IGF2BP3: variants seen among roughly 807,000 people sequenced by gnomAD.
IGF2BP3 encodes insulin like growth factor 2 mRNA binding protein 3, also known as insulin-like growth factor 2 mRNA-binding protein 3.
In IGF2BP3, 9 loss-of-function variants were observed where a neutral mutation model predicts 73.8. The observed-to-expected ratio is 0.12, with a 90% confidence interval of 0.07 to 0.21. The LOEUF (loss-of-function observed/expected upper bound fraction) is 0.21, where lower values mean the gene tolerates loss of function less well. IGF2BP3 is among the 10% of genes least tolerant of loss of function. The pLI is 1.00. For synonymous variants in IGF2BP3, 258 were observed against 256.7 expected, an observed-to-expected ratio of 1.01 and a Z score of -0.05; for missense variants, 542 against 714.0, an observed-to-expected ratio of 0.76 and a Z score of 2.75.
intron 3 of IGF2BP3, among the ~76,000 whole-genome samples, chr7:23,364,084 C>T (rs1785302524): frequency 6.6e-6 from 1 of 151,704 alleles, no homozygotes; most frequent in East Asian, 1.9e-4. Context: ...ATTAAAAATA[C>T]AAAAATATTC....
chr7:23,325,422 A>T (rs1015137292), intron 10 of IGF2BP3, among the ~76,000 whole-genome samples: 12 of 151,706 alleles, frequency 7.9e-5, no homozygotes, highest in Non-Finnish European at 1.3e-4. Flanking sequence ...GAAATAAAAG[A>T]GGATACAAAC....
intron 6 of IGF2BP3, 110 bp downstream of exon 6, chr7:23,351,195 G>C: frequency 1.8e-6 from 2 of 1,136,906 alleles, no homozygotes; most frequent in Non-Finnish European, 2.6e-6. Flanking sequence ...ACTGTACAAG[G>C]AGTCCTCATG....
intron 6 of IGF2BP3, among the ~76,000 whole-genome samples, chr7:23,350,275 G>A (rs774063086): frequency 9.9e-5 from 15 of 151,610 alleles, no homozygotes; most frequent in Non-Finnish European, 1.3e-4. Context: ...AGCTTATTTC[G>A]TTGGATCACA....
At chr7:23,424,290 G>C (rs1015396928) in intron 2 of IGF2BP3, among the ~76,000 whole-genome samples, 9 of 151,058 alleles carry the variant, frequency 6.0e-5, no homozygotes, top group Non-Finnish European at 1.3e-4. Context: ...ATTAGGTCAG[G>C]AGTTCAAGAC....
intron 2 of IGF2BP3, among the ~76,000 whole-genome samples, chr7:23,435,581 G>A (rs368291336): frequency 5.9e-5 from 9 of 151,434 alleles, no homozygotes; most frequent in East Asian, 4.0e-4. Context: ...TCAGCCTCCC[G>A]AGTAGCTGGG....
intron 2 of IGF2BP3, among the ~76,000 whole-genome samples, chr7:23,444,657 C>T (rs1171439411): frequency 1.6e-5 from 2 of 126,336 alleles, no homozygotes; most frequent in African/African-American, 2.9e-5. Context: ...GCACGAGAAT[C>T]GCTTGAACCT....
chr7:23,419,229 TA>T (rs1457890941), intron 2 of IGF2BP3, among the ~76,000 whole-genome samples: 1 of 152,136 alleles, frequency 6.6e-6, no homozygotes, highest in East Asian at 1.9e-4. Context: ...TTCAGGGAAA[TA>T]AAAATGAGGT....
chr7:23,460,094 G>A (rs935151668), intron 2 of IGF2BP3, among the ~76,000 whole-genome samples: 14 of 123,870 alleles, frequency 1.1e-4, no homozygotes, highest in Admixed American at 8.0e-5. Flanking sequence ...TTAGCCAGAC[G>A]AGGAGGCATG....
At position 23,310,978 on chromosome 7, in the gene IGF2BP3, CAT is replaced by C. The variant is rs1401190972; in HGVS notation, c.*1382_*1383del. The C allele has an allele frequency of 2.0e-5, 3 of 152,124 alleles. No individual in the cohort carries two copies. The highest frequency in any genetic ancestry group is 7.2e-5 in the African/African-American group (3 of 41,434). The allele number at this position is 152,124 out of a possible 1,614,324, so 9.4% of individuals were successfully genotyped here. A position where few individuals can be genotyped will look rare whatever the true frequency, so the allele number is the denominator to read the frequency against. ...AGCAAATGAGTTCGTTATCAAAGGT[CAT>C]ATGTTTTCACAGTCATTCAAATTAT... On this transcript the variant is annotated 3_prime_UTR_variant, in exon 15 of 15. Coordinates refer to ENST00000258729, the MANE Select transcript of IGF2BP3 (RefSeq NM_006547.3).
intron 2 of IGF2BP3, among the ~76,000 whole-genome samples, chr7:23,439,262 G>A (rs1287378485): frequency 6.6e-6 from 1 of 151,810 alleles, no homozygotes; most frequent in African/African-American, 2.4e-5. Context: ...AATAAAAAGT[G>A]ACATGTTTGG....
chr7:23,445,365 T>TC (rs1015511070), intron 2 of IGF2BP3, among the ~76,000 whole-genome samples: 10 of 152,156 alleles, frequency 6.6e-5, no homozygotes, highest in African/African-American at 2.2e-4. Flanking sequence ...TATGGGTGTT[T>TC]CGTATACACT....
At chr7:23,388,570 G>A (rs150545147) in intron 3 of IGF2BP3, among the ~76,000 whole-genome samples, 37 of 149,308 alleles carry the variant, frequency 2.5e-4, no homozygotes, top group African/African-American at 8.3e-4. Context: ...AAATTTTGTC[G>A]TAATGTTTGT....
chr7:23,359,649 C>T (rs924387549), intron 5 of IGF2BP3, among the ~76,000 whole-genome samples: 7 of 152,046 alleles, frequency 4.6e-5, no homozygotes, highest in African/African-American at 1.7e-4. Context: ...GAGTTCAAGA[C>T]CAGCCTGGGC....
intron 4 of IGF2BP3, 29 bp downstream of exon 4, chr7:23,361,661 A>T (rs1402611564): frequency 6.2e-6 from 10 of 1,613,816 alleles, no homozygotes; most frequent in Non-Finnish European, 8.5e-6. Flanking sequence ...TCCTTTTACA[A>T]ATTTGAAAGC....
chr7:23,334,669 T>C (rs1583899305), intron 10 of IGF2BP3, among the ~76,000 whole-genome samples: 1 of 152,354 alleles, frequency 6.6e-6, no homozygotes, highest in African/African-American at 2.4e-5. Flanking sequence ...CAGATGCCTA[T>C]CGGCAAAACT....
chr7:23,328,046 CTT>C (rs138540067), intron 10 of IGF2BP3, among the ~76,000 whole-genome samples: 2,788 of 152,236 alleles, frequency 0.018, 82 homozygotes, highest in African/African-American at 0.064. Context: ...CTGAGAGTCT[CTT>C]TGTCTCTCTA....
chr7:23,426,135 T>C (rs937374191), intron 2 of IGF2BP3, among the ~76,000 whole-genome samples: 1 of 151,946 alleles, frequency 6.6e-6, no homozygotes, highest in Non-Finnish European at 1.5e-5. Flanking sequence ...GAGACCAGCC[T>C]GGCCAACATC....
chr7:23,343,955 G>A lies in IGF2BP3; in HGVS notation c.942-102C>T. On this transcript the variant is annotated intron_variant, in intron 8 of 14. Transcript: ENST00000258729. Reference sequence around the variant, plus strand: ...AATTAAAAACAAACTGTGGAGCCTGGTAATATGTAAAAGTGGGTGGTAAAA... The same window carrying A: ...AATTAAAAACAAACTGTGGAGCCTGATAATATGTAAAAGTGGGTGGTAAAA... The A allele has an allele frequency of 1.3e-5, 15 of 1,162,570 alleles. No individual in the cohort carries two copies. In the South Asian group the frequency reaches 2.0e-4, roughly 16 times the overall value. The allele number at this position is 1,162,570 out of a possible 1,614,324, so 72.0% of individuals were successfully genotyped here.
At chr7:23,455,316 T>A (rs1788291054) in intron 2 of IGF2BP3, among the ~76,000 whole-genome samples, 1 of 152,152 alleles carries the variant, frequency 6.6e-6, no homozygotes, top group Non-Finnish European at 1.5e-5. Flanking sequence ...AGCTTGTAGT[T>A]CCCACACACA....
Sources: allele counts gnomAD v4.1 joint callset (sites outside exome capture counted in the v4.1 genomes callset), GRCh38; gene constraint gnomAD v4.1.1; transcripts MANE v1.5; gene names NCBI Gene and HGNC (gene_info 2026-07-23, HGNC 2026-07-21).